The following VWC2L variants were observed in gnomAD, a reference collection of about 807,000 sequenced individuals.
VWC2L encodes von Willebrand factor C domain containing 2 like.
VWC2L carries 10 observed loss-of-function variants against 21.6 expected under a neutral mutation model. The ratio of observed to expected loss-of-function variants is 0.46; its 90% CI spans 0.29 to 0.78. VWC2L has a LOEUF of 0.78. VWC2L is among the 30% of genes least tolerant of loss of function. The pLI, the probability that VWC2L is intolerant of heterozygous loss-of-function variation, is 0.10. For missense variants in VWC2L, 209 were observed against 277.1 expected, an observed-to-expected ratio of 0.75 and a Z score of 1.74; for synonymous variants, 96 against 94.3, an observed-to-expected ratio of 1.02 and a Z score of -0.10.
chr2:214,436,827 C>T (rs914659826), intron 3 of VWC2L, 69 bp downstream of exon 3: 5 of 1,569,872 alleles, frequency 3.2e-6, no homozygotes, highest in Admixed American at 1.7e-5. Context: ...CTACTGCATA[C>T]CATTCAATGC....
chr2:214,456,061 G>A (rs13384730), intron 3 of VWC2L, among the ~76,000 whole-genome samples: 34,592 of 151,962 alleles, frequency 0.23, 4,793 homozygotes, highest in African/African-American at 0.39. Flanking sequence ...ACACAGTAGT[G>A]GAATTGCTGG....
At chr2:214,502,889 G>A (rs1688915521) in intron 3 of VWC2L, among the ~76,000 whole-genome samples, 1 of 152,088 alleles carries the variant, frequency 6.6e-6, no homozygotes, top group African/African-American at 2.4e-5. Context: ...GGCAACACCA[G>A]GCCCTAATAC....
intron 3 of VWC2L, among the ~76,000 whole-genome samples, chr2:214,478,687 T>C (rs911528068): frequency 6.6e-6 from 1 of 152,068 alleles, no homozygotes; most frequent in African/African-American, 2.4e-5. Flanking sequence ...CAAAACAACC[T>C]CAAACTGGAT....
intron 2 of VWC2L, among the ~76,000 whole-genome samples, chr2:214,422,289 A>G (rs901082971): frequency 7.4e-6 from 1 of 135,900 alleles, no homozygotes; most frequent in East Asian, 2.1e-4. Context: ...TGCTCCATAC[A>G]TGCATTAATT....
At chr2:214,446,613 G>T (rs182241586) in intron 3 of VWC2L, among the ~76,000 whole-genome samples, 1 of 152,104 alleles carries the variant, frequency 6.6e-6, no homozygotes, top group Non-Finnish European at 1.5e-5. Context: ...GAAGGCTAAC[G>T]TGCAAAATTT....
intron 3 of VWC2L, among the ~76,000 whole-genome samples, chr2:214,572,509 G>A (rs991094288): frequency 4.6e-5 from 7 of 152,038 alleles, no homozygotes; most frequent in Non-Finnish European, 8.8e-5. Flanking sequence ...TTTCGACCAA[G>A]ACAAAAAGAA....
chr2:214,426,735 T>C (rs1702529231), intron 2 of VWC2L, among the ~76,000 whole-genome samples: 1 of 152,252 alleles, frequency 6.6e-6, no homozygotes, highest in South Asian at 2.1e-4. Context: ...CCAGCTTTGA[T>C]TAATTCACTA....
intron 3 of VWC2L, among the ~76,000 whole-genome samples, chr2:214,553,172 T>C (rs115405176): frequency 0.012 from 1,892 of 152,296 alleles, 36 homozygotes; most frequent in African/African-American, 0.043. Flanking sequence ...TCTGGGTGCC[T>C]TCTATCCCCA....
intron 3 of VWC2L, among the ~76,000 whole-genome samples, chr2:214,471,310 A>G (rs752471757): frequency 2.6e-5 from 4 of 152,228 alleles, no homozygotes; most frequent in Non-Finnish European, 5.9e-5. Flanking sequence ...AATGAAGGCA[A>G]TTCATAGAAA....
chr2:214,486,294 C>T (rs540298990), intron 3 of VWC2L, among the ~76,000 whole-genome samples: 1 of 152,312 alleles, frequency 6.6e-6, no homozygotes, highest in South Asian at 2.1e-4. Flanking sequence ...TTAGAGCTTG[C>T]AGCCATGGAG....
At chr2:214,495,261 C>T (rs1028236750) in intron 3 of VWC2L, among the ~76,000 whole-genome samples, 4 of 152,094 alleles carry the variant, frequency 2.6e-5, no homozygotes, top group Non-Finnish European at 5.9e-5. Context: ...GCTGATCCTT[C>T]GTTACTGCCT....
At chr2:214,471,204 G>A (rs563983266) in intron 3 of VWC2L, among the ~76,000 whole-genome samples, 3 of 152,246 alleles carry the variant, frequency 2.0e-5, no homozygotes, top group South Asian at 2.1e-4. Context: ...GTTGGAAGAA[G>A]AAAACTTCGA....
intron 3 of VWC2L, among the ~76,000 whole-genome samples, chr2:214,561,619 C>T (rs1284552889): frequency 6.6e-6 from 1 of 151,384 alleles, no homozygotes; most frequent in Admixed American, 6.6e-5. Context: ...ACTAAAAATA[C>T]AAAAAATTAG....
chr2:214,441,602 A>T (rs1032722910), intron 3 of VWC2L, among the ~76,000 whole-genome samples: 3 of 152,022 alleles, frequency 2.0e-5, no homozygotes, highest in African/African-American at 7.2e-5. Context: ...TATCCCTCAA[A>T]GTCAGCAGTT....
At chr2:214,439,440 CAAT>C (rs1702728942) in intron 3 of VWC2L, among the ~76,000 whole-genome samples, 1 of 151,706 alleles carries the variant, frequency 6.6e-6, no homozygotes, top group African/African-American at 2.4e-5. Context: ...TAAAAAGCAA[CAAT>C]AAGCTAAAAA....
intron 3 of VWC2L, among the ~76,000 whole-genome samples, chr2:214,541,284 G>GAAAA (rs201085687): frequency 6.8e-6 from 1 of 146,224 alleles, no homozygotes; most frequent in Non-Finnish European, 1.5e-5. Flanking sequence ...CACCCAAATG[G>GAAAA]AAAAAAAAAA....
intron 3 of VWC2L, among the ~76,000 whole-genome samples, chr2:214,481,367 A>C (rs1000246295): frequency 6.6e-6 from 1 of 152,186 alleles, no homozygotes; most frequent in Non-Finnish European, 1.5e-5. Flanking sequence ...ATTATGAGAG[A>C]CTATGTGGAG....
At chr2:214,498,551 T>TATATGA (rs1688842950) in intron 3 of VWC2L, among the ~76,000 whole-genome samples, 3 of 151,936 alleles carry the variant, frequency 2.0e-5, no homozygotes, top group Admixed American at 6.6e-5. Flanking sequence ...TTTGAAATGC[T>TATATGA]ATATGAATAC....
At chr2:214,558,876 T>A (rs1689918824) in intron 3 of VWC2L, among the ~76,000 whole-genome samples, 1 of 152,014 alleles carries the variant, frequency 6.6e-6, no homozygotes, top group South Asian at 2.1e-4. Context: ...TTTTTTTAAA[T>A]TTTTTTTATT....
Sources: gnomAD v4.1 joint callset for allele counts (sites outside exome capture counted in the v4.1 genomes callset) on GRCh38, gnomAD v4.1.1 for gene constraint, MANE v1.5 for transcripts, NCBI Gene and HGNC (gene_info 2026-07-23, HGNC 2026-07-21) for gene names.